The following POU6F2 variants were observed in gnomAD, a reference collection of about 807,000 sequenced individuals.
The protein encoded by POU6F2 is POU class 6 homeobox 2.
POU6F2 carries 31 observed loss-of-function variants against 71.3 expected under a neutral mutation model. The observed-to-expected ratio is 0.43, with a 90% confidence interval of 0.33 to 0.59. The LOEUF is 0.59. Among genes scored for constraint, POU6F2 ranks in the 20% least tolerant of loss-of-function variants. The pLI, the probability that POU6F2 is intolerant of heterozygous loss-of-function variation, is 0.04. For synonymous variants in POU6F2, 347 were observed against 355.7 expected, an observed-to-expected ratio of 0.98 and a Z score of 0.27; for missense variants, 783 against 856.8, an observed-to-expected ratio of 0.91 and a Z score of 1.07.
chr7:39,027,178 A>T (rs1789827698), intron 1 of POU6F2, among the ~76,000 whole-genome samples: 1 of 152,288 alleles, frequency 6.6e-6, no homozygotes, highest in East Asian at 1.9e-4. Context: ...GTTTTGAGCA[A>T]TCTGAATGAG....
intron 4 of POU6F2, among the ~76,000 whole-genome samples, chr7:39,281,673 T>C (rs565924879): frequency 4.6e-5 from 7 of 152,186 alleles, no homozygotes; most frequent in Non-Finnish European, 1.0e-4. Flanking sequence ...ATTGTGTGTA[T>C]ATACCACATT....
intron 6 of POU6F2, among the ~76,000 whole-genome samples, chr7:39,424,140 T>A (rs1708450870): frequency 6.6e-6 from 1 of 152,170 alleles, no homozygotes; most frequent in South Asian, 2.1e-4. Flanking sequence ...TGGGGTCTCT[T>A]TTATATGGAC....
chr7:39,121,659 G>A (rs1792044672), intron 2 of POU6F2, among the ~76,000 whole-genome samples: 1 of 152,112 alleles, frequency 6.6e-6, no homozygotes, highest in Non-Finnish European at 1.5e-5. Context: ...AGATTAATGT[G>A]TACCAACTTA....
At chr7:39,267,957 G>A (rs1784279777) in intron 4 of POU6F2, among the ~76,000 whole-genome samples, 1 of 152,166 alleles carries the variant, frequency 6.6e-6, no homozygotes, top group Admixed American at 6.5e-5. Flanking sequence ...CACACAGCTT[G>A]CTTGTGAGGA....
intron 4 of POU6F2, among the ~76,000 whole-genome samples, chr7:39,330,019 A>G (rs1481027146): frequency 6.6e-6 from 1 of 152,238 alleles, no homozygotes; most frequent in East Asian, 1.9e-4. Flanking sequence ...TTAAAAATCA[A>G]TTCAATCCAC....
At chr7:39,332,511 A>G (rs1485454922) in intron 4 of POU6F2, among the ~76,000 whole-genome samples, 5 of 152,214 alleles carry the variant, frequency 3.3e-5, no homozygotes, top group Admixed American at 3.3e-4. Context: ...AAGTCTTTGT[A>G]AGTTCCAAAA....
At chr7:39,021,307 T>C (rs1789674657) in intron 1 of POU6F2, among the ~76,000 whole-genome samples, 1 of 151,928 alleles carries the variant, frequency 6.6e-6, no homozygotes, top group East Asian at 1.9e-4. Context: ...TTGAAAGTTT[T>C]GCATGTTATT....
intron 2 of POU6F2, among the ~76,000 whole-genome samples, chr7:39,094,852 A>T (rs1472508633): frequency 6.6e-6 from 1 of 152,178 alleles, no homozygotes; most frequent in African/African-American, 2.4e-5. Flanking sequence ...ATGGAAACCC[A>T]CATGTTCCTG....
chr7:39,160,106 A>T (rs970228988), intron 2 of POU6F2, among the ~76,000 whole-genome samples: 8 of 152,274 alleles, frequency 5.3e-5, no homozygotes, highest in East Asian at 3.9e-4. Flanking sequence ...ATAGGAGAGG[A>T]CAGCGTCCCA....
At chr7:39,275,394 A>G (rs1170840367) in intron 4 of POU6F2, among the ~76,000 whole-genome samples, 2 of 152,216 alleles carry the variant, frequency 1.3e-5, no homozygotes, top group African/African-American at 4.8e-5. Flanking sequence ...GCTCAATGAA[A>G]TAAAAGAGGA....
At chr7:39,378,189 T>A (rs962015901) in intron 5 of POU6F2, among the ~76,000 whole-genome samples, 3 of 152,112 alleles carry the variant, frequency 2.0e-5, no homozygotes, top group Admixed American at 2.0e-4. Flanking sequence ...CAAGAGACCA[T>A]CTCCATCCCA....
chr7:39,079,626 G>A (rs969089111), intron 1 of POU6F2, among the ~76,000 whole-genome samples: 2 of 152,100 alleles, frequency 1.3e-5, no homozygotes, highest in African/African-American at 4.8e-5. Flanking sequence ...ACTGTTAAAC[G>A]CAGCATTTAT....
intron 2 of POU6F2, among the ~76,000 whole-genome samples, chr7:39,108,182 A>G (rs1366970247): frequency 6.6e-6 from 1 of 152,178 alleles, no homozygotes; most frequent in Admixed American, 6.5e-5. Flanking sequence ...TGATAATCAA[A>G]AGAGTGAAGG....
chr7:39,015,477 CTA>C (rs1431409740), intron 1 of POU6F2, among the ~76,000 whole-genome samples: 5 of 113,286 alleles, frequency 4.4e-5, no homozygotes, highest in East Asian at 2.6e-4. Context: ...TATATTATAT[CTA>C]TGTTTTATAT....
intron 4 of POU6F2, among the ~76,000 whole-genome samples, chr7:39,252,257 T>C (rs1012290225): frequency 6.6e-6 from 1 of 152,014 alleles, no homozygotes; most frequent in Non-Finnish European, 1.5e-5. Context: ...TGTTTGAGTG[T>C]GGGTCCCCTT....
chr7:39,035,607 G>GA (rs1181122911), intron 1 of POU6F2, among the ~76,000 whole-genome samples: 1 of 152,090 alleles, frequency 6.6e-6, no homozygotes, highest in Non-Finnish European at 1.5e-5. Flanking sequence ...ACCTACGGGG[G>GA]AAAATAGCTG....
At chr7:39,111,398 C>T (rs190464552) in intron 2 of POU6F2, among the ~76,000 whole-genome samples, 13 of 152,070 alleles carry the variant, frequency 8.5e-5, no homozygotes, top group Non-Finnish European at 7.4e-5. Flanking sequence ...GATGGTAAAA[C>T]GAAAGTGAAG....
intron 8 of POU6F2, among the ~76,000 whole-genome samples, chr7:39,458,801 C>T (rs1188592940): frequency 2.0e-5 from 3 of 152,168 alleles, no homozygotes; most frequent in African/African-American, 7.2e-5. Context: ...CTGCTTCACC[C>T]TACCAACCTG....
At chr7:39,001,228 A>G (rs1332999670) in intron 1 of POU6F2, among the ~76,000 whole-genome samples, 1 of 151,878 alleles carries the variant, frequency 6.6e-6, no homozygotes, top group African/African-American at 2.4e-5. Flanking sequence ...AATATACTAG[A>G]AAGATCATTC....
Sources: allele counts gnomAD v4.1 joint callset (sites outside exome capture counted in the v4.1 genomes callset), GRCh38; gene constraint gnomAD v4.1.1; transcripts MANE v1.5; gene names NCBI Gene and HGNC (gene_info 2026-07-23, HGNC 2026-07-21).